The following LAYN variants were observed in gnomAD, a reference collection of about 807,000 sequenced individuals.
LAYN encodes the protein layilin.
LAYN carries 38 observed loss-of-function variants against 43.6 expected under a neutral mutation model. The observed-to-expected ratio is 0.87, with a 90% CI of 0.67 to 1.14. LAYN has a LOEUF of 1.14. Ranked by LOEUF, LAYN falls within the 50% of genes most tolerant of loss-of-function variation. The pLI is 0.00. For missense variants in LAYN, 479 were observed against 463.8 expected (o/e 1.03, Z -0.30); for synonymous variants, 168 against 172.9 (o/e 0.97, Z 0.22).
In LAYN at chr11:111,541,662, T is replaced by C. The variant is rs909697264; in HGVS notation, c.85+734T>C. 12 of 1,388,396 alleles carry C rather than the reference T, an allele frequency of 8.6e-6. No individual in the cohort carries two copies. The Admixed American group carries it at 2.2e-4, about 25-fold the overall frequency. The allele number at this position is 1,388,396 out of a possible 1,614,324, so 86.0% of individuals were successfully genotyped here. On this transcript the variant is annotated intron_variant, in intron 1 of 6. Transcript: ENST00000375614. ...AGAACATCCGTGCCCTTTTCTCAGA[T>C]CCTTTTTGCGGGTGCCAACAGCTTG...
intron 2 of LAYN, among the ~76,000 whole-genome samples, chr11:111,548,894 C>T (rs867366087): frequency 2.3e-4 from 35 of 152,196 alleles, no homozygotes; most frequent in Admixed American, 2.0e-4. Flanking sequence ...ACCCACATAT[C>T]CAACTGGGTG....
chr11:111,540,798 C>T lies in LAYN; in HGVS notation c.-46C>T, dbSNP rs1287700440. 17 of 1,502,428 alleles carry T rather than the reference C, an allele frequency of 1.1e-5. No individual in the cohort carries two copies. The highest frequency in any genetic ancestry group is 1.4e-5 in the African/African-American group (1 of 69,232). The allele number at this position is 1,502,428 out of a possible 1,614,324, so 93.1% of individuals were successfully genotyped here. ...CACGCCTCTGCCCGCCAGCCCGCTC[C>T]ACCGCCGTAGCGCCCGAGTGTCGGG... is the stretch of plus-strand genomic sequence containing the variant. On this transcript the variant is annotated 5_prime_UTR_variant, in exon 1 of 7. Coordinates refer to ENST00000375614, the MANE Select transcript of LAYN (RefSeq NM_178834.5).
At position 111,543,402 on chromosome 11, in the gene LAYN, C is replaced by G. The variant is rs552036155; in HGVS notation, c.86-521C>G. Among the ~76,000 whole-genome samples, 246 of 152,270 alleles carry G rather than the reference C, an allele frequency of 1.6e-3. 2 individuals are homozygous for G. The highest frequency in any genetic ancestry group is 5.7e-3 in the African/African-American group (237 of 41,542). On this transcript the variant is annotated intron_variant, in intron 1 of 6. Transcript: ENST00000375614. ...GCTGACTGTCAGTAGCAGAAAACCC[C>G]GTGGATCTGATGCTTTTAGCTTCTG...
In LAYN at chr11:111,540,925, A is replaced by C. The variant is rs747546021; in HGVS notation, c.82A>C (p.Ser28Arg). 2.2e-5 allele frequency: 34 copies of C among 1,527,888 alleles called. No homozygotes were observed. In the African/African-American group the frequency reaches 4.4e-4, roughly 20 times the overall value. The allele number at this position is 1,527,888 out of a possible 1,614,324, so 94.6% of individuals were successfully genotyped here. A position where few individuals can be genotyped will look rare whatever the true frequency, so the allele number is the denominator to read the frequency against. ...GLRAATGRLL[S>R]GQPVCRGGTQ... Reference sequence around the variant, plus strand: ...GCGGGCCGCGACGGGTCGCCTGCTGAGTGGTGAGTGCGCGCGCTGGGGCGG... The same window carrying C: ...GCGGGCCGCGACGGGTCGCCTGCTGCGTGGTGAGTGCGCGCGCTGGGGCGG... The change falls in exon 1 of 7, where the codon AGT becomes CGT. Residue 28 changes from serine (S) to arginine (R), a missense_variant. By Grantham distance (110) the Ser-to-Arg change is moderately radical. Transcript: ENST00000375614.
At chr11:111,546,410 T>C (rs548718491) in intron 2 of LAYN, among the ~76,000 whole-genome samples, 2 of 152,214 alleles carry the variant, frequency 1.3e-5, no homozygotes, top group Admixed American at 6.5e-5. Flanking sequence ...CAACTAAAGC[T>C]CTGGCCATTG....
At chr11:111,546,033 C>T (rs1867643087) in intron 2 of LAYN, among the ~76,000 whole-genome samples, 1 of 152,168 alleles carries the variant, frequency 6.6e-6, no homozygotes, top group Non-Finnish European at 1.5e-5. Context: ...TCTGTTGAGG[C>T]CATCCATAGC....
chr11:111,559,703 C>G (rs897460645), intron 6 of LAYN, among the ~76,000 whole-genome samples: 9 of 152,134 alleles, frequency 5.9e-5, no homozygotes, highest in African/African-American at 1.9e-4. Flanking sequence ...AAGTGATCCA[C>G]CTGCCTCAGC....
Position 111,560,129 on chromosome 11 carries a change from C to A in LAYN, c.796C>A (p.Gln266Lys). The A allele has an allele frequency of 6.2e-7, 1 of 1,613,462 alleles. No homozygotes were observed. The highest frequency in any genetic ancestry group is 1.1e-5 in the South Asian group (1 of 91,026). ...GCAGCCAGACCCTAGCACAAAGAAGCAACACACCATCTGGCCCTCTCCTCA... is the reference window on the plus strand; with the variant it reads ...GCAGCCAGACCCTAGCACAAAGAAGAAACACACCATCTGGCCCTCTCCTCA... ...REQPDPSTKK[Q>K]HTIWPSPHQG... The change falls in exon 7 of 7, where the codon CAA becomes AAA. Residue 266 changes from glutamine (Q) to lysine (K), a missense_variant. Transcript: ENST00000375614.
At chr11:111,545,321 T>G (rs1867631408) in intron 2 of LAYN, among the ~76,000 whole-genome samples, 1 of 152,162 alleles carries the variant, frequency 6.6e-6, no homozygotes, top group African/African-American at 2.4e-5. Context: ...CCAGTCCAGA[T>G]TCCCTTACCG....
chr11:111,560,191 C>T lies in LAYN; in HGVS notation c.858C>T (p.Val286=). 1 of 1,614,178 alleles carries T rather than the reference C, an allele frequency of 6.2e-7. No individual in the cohort carries two copies. The highest frequency in any genetic ancestry group is 1.1e-5 in the South Asian group (1 of 91,074). The change falls in exon 7 of 7, where the codon GTC becomes GTT. Residue 286 remains valine (V), a synonymous_variant. Coordinates refer to ENST00000375614, the MANE Select transcript of LAYN (RefSeq NM_178834.5). Reference sequence around the variant, plus strand: ...GCCCGGACCTAGAGGTCTACAATGTCATAAGAAAACAAAGCGAAGCTGACT... The same window carrying T: ...GCCCGGACCTAGAGGTCTACAATGTTATAAGAAAACAAAGCGAAGCTGACT... The part of the protein sequence containing the change: ...GNSPDLEVYN[V]IRKQSEADLA...
chr11:111,560,076 T>C lies in LAYN; in HGVS notation c.762-19T>C, dbSNP rs745924436. On this transcript the variant is annotated intron_variant, in intron 6 of 6. Coordinates refer to ENST00000375614, the MANE Select transcript of LAYN (RefSeq NM_178834.5). The stretch of plus-strand genomic sequence containing the variant: ...TCACCTGGTCTAAAACACTCAGCCC[T>C]GGTTTTCTTTCTTCCTAGAAAACGG... 1 of 1,587,258 alleles carries C rather than the reference T, an allele frequency of 6.3e-7. No homozygotes were observed. The highest frequency in any genetic ancestry group is 1.8e-5 in the Admixed American group (1 of 56,482).
At position 111,560,766 on chromosome 11, in the gene LAYN, GATA is replaced by G. The variant is rs1213706717; in HGVS notation, c.*310_*312del. ...AAGGGACAGAGCTTTACCTGGCAGTGATAAAGATGGGCTGTGGAGCTTGGAAAA... is the reference window on the plus strand; with the variant it reads ...AAGGGACAGAGCTTTACCTGGCAGTGAAGATGGGCTGTGGAGCTTGGAAAA... On this transcript the variant is annotated 3_prime_UTR_variant, in exon 7 of 7. Coordinates refer to ENST00000375614, the MANE Select transcript of LAYN (RefSeq NM_178834.5). 6.7e-6 allele frequency: 2 copies of G among 300,366 alleles called. No individual in the cohort carries two copies. Among genetic ancestry groups the G allele is most frequent in the East Asian group, 7.0e-5 (1 of 14,254 alleles). The allele number at this position is 300,366 out of a possible 1,614,324, so 18.6% of individuals were successfully genotyped here.
chr11:111,545,647 G>A (rs1867637687), intron 2 of LAYN, among the ~76,000 whole-genome samples: 1 of 152,182 alleles, frequency 6.6e-6, no homozygotes, highest in African/African-American at 2.4e-5. Context: ...TCATCGTTTA[G>A]TAAGATTCTT....
intron 2 of LAYN, among the ~76,000 whole-genome samples, chr11:111,547,570 G>A (rs892287171): frequency 2.0e-5 from 3 of 152,134 alleles, no homozygotes; most frequent in Admixed American, 1.3e-4. Context: ...TGTGTTCACC[G>A]GATCTGCATA....
At chr11:111,540,478 T>TG, upstream of LAYN, 4 of 334,900 alleles carry the variant, frequency 1.2e-5, no homozygotes, top group Non-Finnish European at 2.2e-5. Flanking sequence ...GGGGCCCGAC[T>TG]GAAGTATTCC....
At chr11:111,542,388 GTTGCTCA>G (rs1249833095) in intron 1 of LAYN, among the ~76,000 whole-genome samples, 1 of 152,216 alleles carries the variant, frequency 6.6e-6, no homozygotes, top group African/African-American at 2.4e-5. Flanking sequence ...CTTATAACTT[GTTGCTCA>G]TTGAGAATTC....
intron 3 of LAYN, among the ~76,000 whole-genome samples, chr11:111,553,717 C>T (rs994278968): frequency 1.6e-5 from 2 of 123,382 alleles, no homozygotes; most frequent in African/African-American, 6.7e-5. Context: ...ATCACCTATA[C>T]ACACACACAC....
rs367979727 is a variant in LAYN at position 111,549,601 on chromosome 11, T to G, written c.384-17T>G. On this transcript the variant is annotated splice_polypyrimidine_tract_variant and intron_variant, in intron 2 of 6. Coordinates refer to ENST00000375614, the MANE Select transcript of LAYN (RefSeq NM_178834.5). Reference sequence around the variant, plus strand: ...ATCCTTCTCCAGTTGCCTCTACTGCTGATCCCTTCCCTACAGGAACTGGTA... The same window carrying G: ...ATCCTTCTCCAGTTGCCTCTACTGCGGATCCCTTCCCTACAGGAACTGGTA... 9 of 1,519,554 alleles carry G rather than the reference T, an allele frequency of 5.9e-6. No homozygotes were observed. The highest frequency in any genetic ancestry group is 7.9e-6 in the Non-Finnish European group (9 of 1,140,760). The allele number at this position is 1,519,554 out of a possible 1,614,324, so 94.1% of individuals were successfully genotyped here.
In LAYN at chr11:111,549,517, C is replaced by A. The variant is rs561249485; in HGVS notation, c.384-101C>A. 41 of 1,022,554 alleles carry A rather than the reference C, an allele frequency of 4.0e-5. 1 individual carries two copies. The South Asian group carries it at 7.8e-4, about 20-fold the overall frequency. 63.3% of individuals were successfully genotyped at this position (1,022,554 alleles called of 1,614,324 possible). On this transcript the variant is annotated intron_variant, in intron 2 of 6. Transcript: ENST00000375614. ...TCTGTATCATGTTCTGAGGCAGAAT[C>A]TTATGTTTATGGCTCAGTGAGACTT...
Sources: allele counts gnomAD v4.1 joint callset (sites outside exome capture counted in the v4.1 genomes callset), GRCh38; gene constraint gnomAD v4.1.1; transcripts MANE v1.5; gene names NCBI Gene and HGNC (gene_info 2026-07-23, HGNC 2026-07-21).